TRPM1: variants seen among roughly 807,000 people sequenced by gnomAD.
The protein encoded by TRPM1 is TRPM1-203 APA Isoform, Intron 10.
A neutral mutation model predicts 149.4 loss-of-function variants in TRPM1; 113 were observed. The ratio of observed to expected loss-of-function variants is 0.76; its 90% CI spans 0.65 to 0.88. TRPM1 has a LOEUF of 0.88. Among genes scored for constraint, TRPM1 ranks in the 40% least tolerant of loss-of-function variants. The pLI is 0.00. For missense variants in TRPM1, 1,976 were observed against 2,038.7 expected (o/e 0.97, Z 0.59); for synonymous variants, 741 against 759.5 (o/e 0.98, Z 0.40).
chr15:31,027,982 T>C (rs1240152528), intron 25 of TRPM1, among the ~76,000 whole-genome samples: 5 of 152,194 alleles, frequency 3.3e-5, no homozygotes, highest in Non-Finnish European at 5.9e-5. Context: ...ATGAAACTCA[T>C]ATTGCCTTTT....
intron 12 of TRPM1, among the ~76,000 whole-genome samples, chr15:31,049,980 G>A (rs2140940323): frequency 6.6e-6 from 1 of 152,346 alleles, no homozygotes. Context: ...CATGCGATGT[G>A]TGGCTCCAGC....
chr15:31,066,043 C>A (rs2034365041), intron 7 of TRPM1, 33 bp downstream of exon 7: 2 of 1,608,986 alleles, frequency 1.2e-6, no homozygotes. Context: ...TGGCATCAGC[C>A]CAGGAGGACT....
intron 1 of TRPM1, among the ~76,000 whole-genome samples, chr15:31,110,902 T>TC (rs530144327): frequency 2.5e-4 from 35 of 142,462 alleles, no homozygotes; most frequent in East Asian, 7.8e-4. Context: ...TCTCTCTCTC[T>TC]CCCCCCCCTT....
At chr15:31,153,138 C>T (rs112854868) in intron 1 of TRPM1, among the ~76,000 whole-genome samples, 4,975 of 152,304 alleles carry the variant, frequency 0.033, 287 homozygotes, top group African/African-American at 0.11. Context: ...TAGAGAATCC[C>T]TTTCCCTTTC....
At chr15:31,022,581 T>C (rs1001855153) in intron 27 of TRPM1, among the ~76,000 whole-genome samples, 2 of 152,262 alleles carry the variant, frequency 1.3e-5, no homozygotes, top group Admixed American at 1.3e-4. Context: ...ACACTTGTTA[T>C]CCTTCCTGTG....
intron 3 of TRPM1, among the ~76,000 whole-genome samples, chr15:31,072,564 G>A (rs1015227797): frequency 2.0e-5 from 3 of 152,034 alleles, no homozygotes; most frequent in Admixed American, 6.6e-5. Context: ...TGGGTCATAC[G>A]GTTACTCTAT....
chr15:31,143,267 A>G (rs1186786620), intron 1 of TRPM1, among the ~76,000 whole-genome samples: 3 of 152,258 alleles, frequency 2.0e-5, no homozygotes, highest in Non-Finnish European at 4.4e-5. Flanking sequence ...GAAACTGCTG[A>G]GATCAAACAG....
chr15:31,009,526 T>C (rs2032108246), intron 27 of TRPM1, among the ~76,000 whole-genome samples: 1 of 152,154 alleles, frequency 6.6e-6, no homozygotes, highest in African/African-American at 2.4e-5. Flanking sequence ...TTGATATGGA[T>C]TCATTTGAGT....
chr15:31,071,979 A>AAC (rs2034555016), intron 3 of TRPM1, among the ~76,000 whole-genome samples: 2 of 83,656 alleles, frequency 2.4e-5, no homozygotes, highest in African/African-American at 1.1e-4. Context: ...AAAAAAAAAA[A>AAC]CATATATATA....
At chr15:31,031,942 T>C (rs1029220523) in intron 22 of TRPM1, among the ~76,000 whole-genome samples, 6 of 151,998 alleles carry the variant, frequency 3.9e-5, no homozygotes, top group Non-Finnish European at 7.4e-5. Context: ...AGGTTGGGGA[T>C]TGGCCCTGGG....
intron 16 of TRPM1, 56 bp downstream of exon 16, chr15:31,046,148 G>A: frequency 2.6e-6 from 4 of 1,552,514 alleles, no homozygotes; most frequent in South Asian, 1.1e-5. Context: ...AACTTAAAAG[G>A]GCTATGTATA....
chr15:31,118,440 G>A (rs1005337074), intron 1 of TRPM1, among the ~76,000 whole-genome samples: 1 of 151,824 alleles, frequency 6.6e-6, no homozygotes, highest in African/African-American at 2.4e-5. Context: ...CATTAAGCAT[G>A]ATAAATACCA....
Position 31,058,492 on chromosome 15 carries a change from G to A in TRPM1, c.1263+2052C>T, listed in dbSNP as rs116432530. On this transcript the variant is annotated intron_variant, in intron 11 of 27. Transcript: ENST00000256552. ...TCCATGTAATCACAACAATGTCAAA[G>A]CTGCTGGTTTCTCCATTTTTTTAGA... Among the ~76,000 whole-genome samples the A allele has an allele frequency of 5.2e-3, 791 of 152,310 alleles. 5 individuals are homozygous for A. Among genetic ancestry groups the A allele is most frequent in the African/African-American group, 0.018 (755 of 41,562 alleles).
At chr15:31,044,202 T>C (rs1157456131) in intron 16 of TRPM1, among the ~76,000 whole-genome samples, 1 of 152,218 alleles carries the variant, frequency 6.6e-6, no homozygotes, top group African/African-American at 2.4e-5. Context: ...TCCAAACCTG[T>C]GGAATACCAT....
At chr15:31,144,832 C>T (rs1285170256) in intron 1 of TRPM1, among the ~76,000 whole-genome samples, 4 of 151,500 alleles carry the variant, frequency 2.6e-5, no homozygotes, top group African/African-American at 9.7e-5. Context: ...TCTCCTGCCT[C>T]AGCCTCCCGA....
chr15:31,014,404 ATTCT>A (rs898565053), intron 27 of TRPM1, among the ~76,000 whole-genome samples: 4 of 152,066 alleles, frequency 2.6e-5, no homozygotes, highest in African/African-American at 9.7e-5. Flanking sequence ...TGCATATGAG[ATTCT>A]TTCTGCTCCT....
At chr15:31,054,764 C>T (rs779906347) in intron 11 of TRPM1, among the ~76,000 whole-genome samples, 3 of 152,098 alleles carry the variant, frequency 2.0e-5, no homozygotes, top group Admixed American at 2.0e-4. Flanking sequence ...ATATCCATCA[C>T]CTCACATACT....
chr15:31,003,030 T>C lies in TRPM1; in HGVS notation c.3670A>G (p.Arg1224Gly), dbSNP rs2031852514. The part of the protein sequence containing the change: ...MSMRLEEINE[R>G]ETFMKTSLQT... ...AGGGAAGTTTTCATAAAAGTTTCTC[T>C]TTCATTGATTTCTTCCAACCTCATT... Residue 1224 changes from arginine to glycine, a missense_variant, in exon 28 of 28, where the codon AGA becomes GGA. Around this residue, in one of 3 missense-constraint regions of TRPM1, gnomAD observed 572 missense variants for 578.9 expected, o/e 0.99. Transcript: ENST00000256552. The C allele has an allele frequency of 6.3e-7, 1 of 1,599,298 alleles. No homozygotes were observed.
At chr15:31,120,531 C>T (rs547303327) in intron 1 of TRPM1, among the ~76,000 whole-genome samples, 4 of 152,166 alleles carry the variant, frequency 2.6e-5, no homozygotes, top group Non-Finnish European at 4.4e-5. Flanking sequence ...TTGCATTTAA[C>T]AGTACTATCT....
Sources: gnomAD v4.1 joint callset for allele counts (sites outside exome capture counted in the v4.1 genomes callset) on GRCh38, gnomAD v4.1.1 for gene constraint, gnomAD v4.1.1 regional missense constraint, MANE v1.5 for transcripts, NCBI Gene and HGNC (gene_info 2026-07-23, HGNC 2026-07-21) for gene names.